STIL: variants seen among roughly 807,000 people sequenced by gnomAD.
STIL encodes the protein STIL centriolar assembly protein.
Under a neutral mutation model 110.1 loss-of-function variants are expected in STIL, and 55 were observed. The ratio of observed to expected loss-of-function variants is 0.50; its 90% CI spans 0.40 to 0.63. The LOEUF (loss-of-function observed/expected upper bound fraction) is 0.63. STIL is among the 20% of genes least tolerant of loss of function. STIL has a pLI of 0.00. For missense variants in STIL, 1,358 were observed against 1,530.0 expected (o/e 0.89, Z 1.87); for synonymous variants, 481 against 530.0 (o/e 0.91, Z 1.27).
chr1:47,291,632 C>T (rs1645493740), intron 8 of STIL, among the ~76,000 whole-genome samples: 1 of 151,962 alleles, frequency 6.6e-6, no homozygotes, highest in African/African-American at 2.4e-5. Context: ...GTGGTGCGAT[C>T]TCAGCTCACT....
In STIL at chr1:47,251,801, T is replaced by C. The variant is rs757590866; in HGVS notation, c.3202A>G (p.Ile1068Val). 2.5e-6 allele frequency: 4 copies of C among 1,611,604 alleles called. No homozygotes were observed. Among genetic ancestry groups the C allele is most frequent in the Admixed American group, 1.7e-5 (1 of 59,700 alleles). The stretch of plus-strand genomic sequence containing the variant: ...TTTTCATTTAAATATTTCAGAGCTA[T>C]AGCATTTGCCTCCATGCTCAAATCC... ...GVDLSMEANA[I>V]ALKYLNENQL... Residue 1068 changes from isoleucine to valine, a missense_variant, in exon 17 of 17, where the codon ATA (isoleucine) becomes GTA (valine). Transcript: ENST00000371877.
At position 47,271,607 on chromosome 1, in the gene STIL, C is replaced by T. The variant is rs914164468; in HGVS notation, c.2383+469G>A. On this transcript the variant is annotated intron_variant, in intron 13 of 16. Transcript: ENST00000371877. Reference sequence around the variant, plus strand: ...AATCATAGTCAAAATGGTTTCTACTCTGAGGATATACTTGGGTGATTTTAT... The same window carrying T: ...AATCATAGTCAAAATGGTTTCTACTTTGAGGATATACTTGGGTGATTTTAT... Among the ~76,000 whole-genome samples, 19 of 149,678 alleles carry T rather than the reference C, an allele frequency of 1.3e-4. 1 individual carries two copies. In the Admixed American group the frequency reaches 1.3e-3, roughly 10 times the overall value.
At chr1:47,264,721 C>A (rs1644584619) in intron 14 of STIL, among the ~76,000 whole-genome samples, 1 of 152,058 alleles carries the variant, frequency 6.6e-6, no homozygotes, top group South Asian at 2.1e-4. Context: ...CGAATCAGAC[C>A]AAAAGTGCGA....
At chr1:47,282,625 C>A (rs1339913573) in intron 10 of STIL, 166 bp from the exon 11 acceptor site, 7 of 591,664 alleles carry the variant, frequency 1.2e-5, no homozygotes, top group Non-Finnish European at 1.8e-5. Flanking sequence ...GTTAGTTGAC[C>A]AGGGAAGCTG....
Position 47,300,057 on chromosome 1 carries a change from A to G in STIL, c.549T>C (p.Ser183=), listed in dbSNP as rs1278393661. ...VHITSRESLD[S]VEFDLHWAAV... ...CTGCCCAATGCAAGTCAAATTCCAC[A>G]CTGTCCAAACTCTCCCTGGAAGTGA... Residue 183 remains serine (S), a synonymous_variant, in exon 6 of 17, where the codon AGT becomes AGC. Coordinates refer to ENST00000371877, the MANE Select transcript of STIL (RefSeq NM_001048166.1). The G allele has an allele frequency of 6.2e-6, 10 of 1,614,032 alleles. No homozygotes were observed. Among genetic ancestry groups the G allele is most frequent in the African/African-American group, 1.3e-5 (1 of 74,920 alleles).
intron 8 of STIL, among the ~76,000 whole-genome samples, chr1:47,291,179 G>A (rs1374305732): frequency 6.6e-6 from 1 of 152,068 alleles, no homozygotes; most frequent in East Asian, 1.9e-4. Flanking sequence ...GACCAACATG[G>A]AGAAACCCTG....
At chr1:47,265,198 T>C (rs1644601439) in intron 14 of STIL, among the ~76,000 whole-genome samples, 1 of 116,648 alleles carries the variant, frequency 8.6e-6, no homozygotes, top group East Asian at 2.5e-4. Context: ...ATCACACCAC[T>C]GCACTCCAGC....
chr1:47,300,592 C>A (rs573527709), intron 5 of STIL, among the ~76,000 whole-genome samples: 1 of 152,230 alleles, frequency 6.6e-6, no homozygotes, highest in East Asian at 1.9e-4. Flanking sequence ...CTCAACCTCC[C>A]AAGTAGCTGG....
intron 5 of STIL, 85 bp from the exon 6 acceptor site, chr1:47,300,237 A>T: frequency 7.9e-7 from 1 of 1,260,088 alleles, no homozygotes; most frequent in Non-Finnish European, 1.1e-6. Context: ...ATACATATAC[A>T]TATATAATAT....
intron 6 of STIL, 104 bp from the exon 7 acceptor site, chr1:47,295,952 A>G: frequency 1.2e-6 from 1 of 846,920 alleles, no homozygotes; most frequent in Non-Finnish European, 2.0e-6. Context: ...GAGATAATTC[A>G]AATGAACGTT....
Position 47,276,725 on chromosome 1 carries a change from C to T in STIL, c.2217+3516G>A, listed in dbSNP as rs796363300. ...TTGGGAAGCTGAGGCAGGAGAATTG[C>T]TTCAACCCCGGGGGGCAGATAGAGG... On this transcript the variant is annotated intron_variant, in intron 12 of 16. Coordinates refer to ENST00000371877, the MANE Select transcript of STIL (RefSeq NM_001048166.1). 3.4e-5 allele frequency among the ~76,000 whole-genome samples: 5 copies of T among 145,288 alleles called. 1 individual carries two copies. Among genetic ancestry groups the T allele is most frequent in the African/African-American group, 1.3e-4 (5 of 39,420 alleles).
At chr1:47,296,808 C>T (rs140667678) in intron 6 of STIL, among the ~76,000 whole-genome samples, 2 of 152,070 alleles carry the variant, frequency 1.3e-5, no homozygotes, top group African/African-American at 2.4e-5. Flanking sequence ...AGTGAGACTC[C>T]GTCTCAAAAA....
chr1:47,288,257 G>A (rs1009904625), intron 9 of STIL, among the ~76,000 whole-genome samples: 3 of 151,352 alleles, frequency 2.0e-5, no homozygotes, highest in African/African-American at 7.3e-5. Flanking sequence ...AGTAGCATTT[G>A]AATATTTTCA....
intron 16 of STIL, among the ~76,000 whole-genome samples, chr1:47,257,076 G>C (rs1202078708): frequency 6.6e-6 from 1 of 151,856 alleles, no homozygotes; most frequent in African/African-American, 2.4e-5. Context: ...TTGGCAAGCA[G>C]AAAGGTAAAA....
chr1:47,281,288 T>C, intron 11 of STIL, 79 bp from the exon 12 acceptor site: 1 of 1,345,322 alleles, frequency 7.4e-7, no homozygotes, highest in Non-Finnish European at 1.0e-6. Context: ...GACCAGTATT[T>C]CCCAAATTAT....
intron 12 of STIL, among the ~76,000 whole-genome samples, chr1:47,276,181 T>C (rs1014687925): frequency 3.4e-4 from 52 of 151,746 alleles, no homozygotes; most frequent in Admixed American, 2.8e-3. Flanking sequence ...TTTGTATTTT[T>C]AGTAGAGACG....
intron 14 of STIL, among the ~76,000 whole-genome samples, chr1:47,267,893 G>A (rs982042607): frequency 6.6e-6 from 1 of 151,890 alleles, no homozygotes; most frequent in African/African-American, 2.4e-5. Flanking sequence ...GAGTCACTGA[G>A]CCTAGCCTAC....
intron 3 of STIL, among the ~76,000 whole-genome samples, chr1:47,303,154 A>C (rs1159422230): frequency 6.6e-6 from 1 of 152,258 alleles, no homozygotes; most frequent in Non-Finnish European, 1.5e-5. Context: ...GCAAAAATTC[A>C]ATAAGTTATA....
At chr1:47,273,778 C>T (rs1354244947) in intron 12 of STIL, among the ~76,000 whole-genome samples, 2 of 152,156 alleles carry the variant, frequency 1.3e-5, no homozygotes, top group East Asian at 3.9e-4. Context: ...AATGGTACTA[C>T]TGTGCTCAAT....
Sources: gnomAD v4.1 joint callset for allele counts (sites outside exome capture counted in the v4.1 genomes callset) on GRCh38, gnomAD v4.1.1 for gene constraint, MANE v1.5 for transcripts, NCBI Gene and HGNC (gene_info 2026-07-23, HGNC 2026-07-21) for gene names.